Variants in CD247 observed in about 807,000 individuals in gnomAD.
The protein encoded by CD247 is T-cell surface glycoprotein CD3 zeta chain.
In CD247, 13 loss-of-function variants were observed where a neutral mutation model predicts 30.0. The ratio of observed to expected loss-of-function variants is 0.43; its 90% CI spans 0.28 to 0.69. The LOEUF is 0.69. CD247 is among the 30% of genes least tolerant of loss of function. CD247 has a pLI of 0.16. For synonymous variants in CD247, 72 were observed against 80.0 expected (o/e 0.90, Z 0.53); for missense variants, 193 against 212.6 (o/e 0.91, Z 0.57).
chr1:167,470,872 CTT>C (rs768647657), intron 1 of CD247, among the ~76,000 whole-genome samples: 9 of 134,224 alleles, frequency 6.7e-5, no homozygotes, highest in Non-Finnish European at 8.0e-5. Flanking sequence ...TTCTTTCTTT[CTT>C]TTTTTTTTTT....
intron 1 of CD247, among the ~76,000 whole-genome samples, chr1:167,513,943 G>A (rs756571661): frequency 1.4e-4 from 21 of 152,000 alleles, no homozygotes; most frequent in Non-Finnish European, 2.8e-4. Context: ...CCCTCCACTG[G>A]TTTAATTTCT....
intron 1 of CD247, among the ~76,000 whole-genome samples, chr1:167,468,667 G>C (rs1250445950): frequency 6.6e-6 from 1 of 152,198 alleles, no homozygotes; most frequent in African/African-American, 2.4e-5. Context: ...AGACACCTGG[G>C]AAGGGCTGGT....
intron 1 of CD247, among the ~76,000 whole-genome samples, chr1:167,510,423 A>G (rs1655338586): frequency 6.6e-6 from 1 of 152,168 alleles, no homozygotes; most frequent in Admixed American, 6.5e-5. Context: ...CACATTGCCA[A>G]CACCCACACT....
At chr1:167,477,466 T>C (rs1158245431) in intron 1 of CD247, among the ~76,000 whole-genome samples, 1 of 152,192 alleles carries the variant, frequency 6.6e-6, no homozygotes, top group Non-Finnish European at 1.5e-5. Context: ...GCTTCCTTCC[T>C]CACTGATCCC....
chr1:167,455,482 T>C (rs1652601603), intron 1 of CD247, among the ~76,000 whole-genome samples: 1 of 152,130 alleles, frequency 6.6e-6, no homozygotes, highest in Non-Finnish European at 1.5e-5. Flanking sequence ...TTCCTCACCA[T>C]GCAGCCAAGG....
chr1:167,438,517 G>T, intron 4 of CD247, 53 bp downstream of exon 4: 1 of 1,419,906 alleles, frequency 7.0e-7, no homozygotes. Flanking sequence ...CACAGCCTGG[G>T]CTGAGCCCCA....
At chr1:167,440,600 C>T in intron 2 of CD247, 64 bp downstream of exon 2, 1 of 1,088,848 alleles carries the variant, frequency 9.2e-7, no homozygotes, top group South Asian at 1.3e-5. Context: ...AAGACCAAGG[C>T]CCCTCTGAAC....
chr1:167,488,223 C>T (rs1001845907), intron 1 of CD247, among the ~76,000 whole-genome samples: 69 of 152,164 alleles, frequency 4.5e-4, no homozygotes, highest in African/African-American at 1.6e-3. Context: ...GATGATCATA[C>T]ATTCTAAGAA....
chr1:167,442,645 AC>A (rs1287950211), intron 1 of CD247, among the ~76,000 whole-genome samples: 2 of 151,910 alleles, frequency 1.3e-5, no homozygotes, highest in Non-Finnish European at 2.9e-5. Context: ...AGCCCTGCCT[AC>A]CCCTCCATGC....
rs56094600 is a variant in CD247 at position 167,431,109 on chromosome 1, C to T, written c.*572G>A. The T allele has an allele frequency of 7.8e-5, 33 of 423,438 alleles. No homozygotes were observed. In the Middle Eastern group the frequency reaches 2.4e-3, roughly 31 times the overall value. The allele number at this position is 423,438 out of a possible 1,614,324, so 26.2% of individuals were successfully genotyped here. On this transcript the variant is annotated 3_prime_UTR_variant, in exon 8 of 8. Coordinates refer to ENST00000362089, the MANE Select transcript of CD247 (RefSeq NM_198053.3). ...AGGCCCTGGCTGACCCTCCCCTGCC[C>T]GCCCACCTTCCCATGCCCCTGCAGC...
intron 1 of CD247, among the ~76,000 whole-genome samples, chr1:167,455,869 G>A (rs1252557573): frequency 1.3e-5 from 2 of 152,180 alleles, no homozygotes; most frequent in Non-Finnish European, 2.9e-5. Flanking sequence ...TCGGTGGTGG[G>A]CACAGTGGCC....
At chr1:167,433,915 C>G (rs1206915650) in intron 6 of CD247, 105 bp downstream of exon 6, 2 of 1,040,420 alleles carry the variant, frequency 1.9e-6, no homozygotes, top group African/African-American at 1.6e-5. Flanking sequence ...ACCACATGGG[C>G]ATTTGCAGCT....
chr1:167,507,638 C>T (rs905053625), intron 1 of CD247, among the ~76,000 whole-genome samples: 1 of 151,962 alleles, frequency 6.6e-6, no homozygotes, highest in Admixed American at 6.6e-5. Flanking sequence ...GTTTCCAAGG[C>T]CAGCCAGGGC....
chr1:167,472,133 C>A (rs1653559197), intron 1 of CD247, among the ~76,000 whole-genome samples: 1 of 152,142 alleles, frequency 6.6e-6, no homozygotes, highest in Admixed American at 6.5e-5. Flanking sequence ...TGTGTCCAGC[C>A]CTAAATGATT....
Position 167,494,617 on chromosome 1 carries a change from T to G in CD247, c.58+23791A>C, listed in dbSNP as rs930870810. ...AAGCTACAGTGGTCTTATTGCTGTG[T>G]TTTCCTAATTGTATTTTGCACTGTG... On this transcript the variant is annotated intron_variant, in intron 1 of 7. Transcript: ENST00000362089. This position sits in a 1 kb window ranked among gnomAD's most constrained non-coding sequence, Gnocchi z 7.3. Among the ~76,000 whole-genome samples the G allele has an allele frequency of 6.6e-6, 1 of 152,172 alleles. No individual in the cohort carries two copies. Among genetic ancestry groups the G allele is most frequent in the Non-Finnish European group, 1.5e-5 (1 of 68,026 alleles).
intron 2 of CD247, chr1:167,439,704 G>T: frequency 1.1e-5 from 5 of 447,420 alleles, no homozygotes; most frequent in Non-Finnish European, 2.1e-5. Flanking sequence ...TAAGGTTCTT[G>T]GTCTGCGCCC....
At chr1:167,489,445 GTC>G (rs1553234839) in intron 1 of CD247, among the ~76,000 whole-genome samples, 5 of 152,150 alleles carry the variant, frequency 3.3e-5, no homozygotes, top group African/African-American at 1.2e-4. Flanking sequence ...CTATTTAGTG[GTC>G]TCTCAGCTTT....
At chr1:167,470,900 C>T (rs1223561671) in intron 1 of CD247, among the ~76,000 whole-genome samples, 3 of 136,760 alleles carry the variant, frequency 2.2e-5, no homozygotes, top group Non-Finnish European at 3.0e-5. Flanking sequence ...GAGATGGAGT[C>T]TCACTCTGTC....
At chr1:167,464,991 C>T (rs1410249244) in intron 1 of CD247, among the ~76,000 whole-genome samples, 1 of 151,706 alleles carries the variant, frequency 6.6e-6, no homozygotes, top group Non-Finnish European at 1.5e-5. Context: ...CCAGCTCTTT[C>T]TTCCCCTCTG....
Sources: allele counts gnomAD v4.1 joint callset (sites outside exome capture counted in the v4.1 genomes callset), GRCh38; gene constraint gnomAD v4.1.1; non-coding constraint Gnocchi (gnomAD v3.1); transcripts MANE v1.5; gene names NCBI Gene and HGNC (gene_info 2026-07-23, HGNC 2026-07-21).